Variants in TBC1D1 observed in about 807,000 individuals in gnomAD.
The protein encoded by TBC1D1 is TBC1 domain family member 1, also known as TBC1 (tre-2/USP6, BUB2, cdc16) domain family, member 1.
Under a neutral mutation model 125.6 loss-of-function variants are expected in TBC1D1, and 89 were observed. The ratio of observed to expected loss-of-function variants is 0.71; its 90% CI spans 0.60 to 0.85. The LOEUF is 0.85. Ranked by LOEUF, TBC1D1 falls within the 40% of genes least tolerant of loss-of-function variation. The pLI is 0.00. For synonymous variants in TBC1D1, 565 were observed against 564.1 expected (o/e 1.00, Z -0.02); for missense variants, 1,377 against 1,469.2 (o/e 0.94, Z 1.03).
intron 7 of TBC1D1, among the ~76,000 whole-genome samples, chr4:38,033,766 C>G (rs1179562171): frequency 6.6e-6 from 1 of 152,184 alleles, no homozygotes; most frequent in African/African-American, 2.4e-5. Context: ...TTGCCTTTTC[C>G]AGCATGTCAT....
At chr4:37,893,918 T>A (rs1364706871) in intron 1 of TBC1D1, among the ~76,000 whole-genome samples, 3 of 152,138 alleles carry the variant, frequency 2.0e-5, no homozygotes, top group Admixed American at 2.0e-4. Flanking sequence ...CAACACCACA[T>A]TCCAATAAAA....
At chr4:38,035,797 T>C (rs1385367893) in intron 8 of TBC1D1, 99 bp downstream of exon 8, 3 of 848,758 alleles carry the variant, frequency 3.5e-6, no homozygotes, top group Non-Finnish European at 5.7e-6. Flanking sequence ...TACCTTTTTT[T>C]CTCCCTATGT....
chr4:38,110,597 A>T lies in TBC1D1; in HGVS notation c.2558-5113A>T, dbSNP rs578139519. 1.5e-5 allele frequency: 15 copies of T among 985,380 alleles called. No homozygotes were observed. The South Asian group carries it at 6.1e-4, about 40-fold the overall frequency. The allele number at this position is 985,380 out of a possible 1,614,324, so 61.0% of individuals were successfully genotyped here. A position where few individuals can be genotyped will look rare whatever the true frequency, so the allele number is the denominator to read the frequency against. ...TTCTCCACTTAGATCCACAAGACAC[A>T]TCGAATGTCTTTTTATAAAGGGGTT... On this transcript the variant is annotated intron_variant, in intron 15 of 19. Transcript: ENST00000261439.
chr4:38,035,065 A>AT (rs916433373), intron 7 of TBC1D1, among the ~76,000 whole-genome samples: 13 of 151,136 alleles, frequency 8.6e-5, no homozygotes, highest in South Asian at 2.1e-4. Flanking sequence ...CATAGAGAGA[A>AT]TTTTTTTTTT....
chr4:38,110,443 A>G, intron 15 of TBC1D1: 1 of 985,458 alleles, frequency 1.0e-6, no homozygotes, highest in Non-Finnish European at 1.2e-6. Context: ...TAAAGAAGGA[A>G]AAGATTGATC....
At chr4:37,945,368 C>T (rs1157034227) in intron 2 of TBC1D1, among the ~76,000 whole-genome samples, 1 of 151,716 alleles carries the variant, frequency 6.6e-6, no homozygotes, top group Non-Finnish European at 1.5e-5. Context: ...CAAAAAATAG[C>T]TGAACATGGT....
At chr4:38,032,162 T>C (rs1002949986) in intron 7 of TBC1D1, among the ~76,000 whole-genome samples, 1 of 151,926 alleles carries the variant, frequency 6.6e-6, no homozygotes, top group South Asian at 2.1e-4. Flanking sequence ...CTATGGCAAA[T>C]ACAAAAATTA....
chr4:37,926,748 A>C (rs1722208479), intron 2 of TBC1D1, among the ~76,000 whole-genome samples: 1 of 152,238 alleles, frequency 6.6e-6, no homozygotes, highest in African/African-American at 2.4e-5. Flanking sequence ...TGTGTTACAC[A>C]GGCTAGAACT....
At chr4:37,996,677 C>T (rs564387973) in intron 2 of TBC1D1, among the ~76,000 whole-genome samples, 1 of 152,346 alleles carries the variant, frequency 6.6e-6, no homozygotes, top group Admixed American at 6.5e-5. Context: ...ATGCTCAGAG[C>T]CCTTTCCTGT....
intron 2 of TBC1D1, among the ~76,000 whole-genome samples, chr4:37,951,197 T>C (rs1441519413): frequency 6.6e-6 from 1 of 152,226 alleles, no homozygotes; most frequent in Non-Finnish European, 1.5e-5. Flanking sequence ...AGAATTCCTG[T>C]CTTTGGGCGC....
intron 12 of TBC1D1, among the ~76,000 whole-genome samples, chr4:38,073,271 C>G (rs932318792): frequency 6.6e-6 from 1 of 152,216 alleles, no homozygotes; most frequent in African/African-American, 2.4e-5. Context: ...CACCCTCACC[C>G]ACACTTGTAA....
rs542762845 is a variant in TBC1D1 at position 38,100,042 on chromosome 4, A to G, written c.2399-2957A>G. ...GTGAAAAAAAGCCCCACTATAAATC[A>G]CTTATCATGCTGACTGTTTTCTAGC... On this transcript the variant is annotated intron_variant, in intron 14 of 19. Coordinates refer to ENST00000261439, the MANE Select transcript of TBC1D1 (RefSeq NM_015173.4). Among the ~76,000 whole-genome samples the G allele has an allele frequency of 3.9e-5, 6 of 152,284 alleles. No individual in the cohort carries two copies. The South Asian group carries it at 1.2e-3, about 32-fold the overall frequency.
intron 9 of TBC1D1, 111 bp from the exon 10 acceptor site, chr4:38,045,706 C>A: frequency 1.4e-6 from 1 of 725,026 alleles, no homozygotes; most frequent in South Asian, 1.6e-5. Flanking sequence ...TAGCATTTCT[C>A]AGTAGATAAC....
At chr4:37,969,921 C>A (rs1362435638) in intron 2 of TBC1D1, among the ~76,000 whole-genome samples, 1 of 152,178 alleles carries the variant, frequency 6.6e-6, no homozygotes, top group African/African-American at 2.4e-5. Context: ...CTCTCTCCAG[C>A]CCCCGGTAAC....
intron 2 of TBC1D1, among the ~76,000 whole-genome samples, chr4:37,909,819 C>A (rs978897784): frequency 3.9e-5 from 6 of 152,122 alleles, no homozygotes; most frequent in Admixed American, 6.5e-5. Flanking sequence ...TGTAAATTTT[C>A]ATTTGGGGTC....
chr4:38,106,199 T>C (rs966110843), intron 15 of TBC1D1, among the ~76,000 whole-genome samples: 1 of 152,198 alleles, frequency 6.6e-6, no homozygotes, highest in South Asian at 2.1e-4. Context: ...TGTGAGACAC[T>C]GCACTAGCAC....
In TBC1D1 at chr4:38,014,154, G is replaced by A. The variant is rs1742102281; in HGVS notation, c.418-355G>A. Among the ~76,000 whole-genome samples, 1 of 152,178 alleles carries A rather than the reference G, an allele frequency of 6.6e-6. No homozygotes were observed. Among genetic ancestry groups the A allele is most frequent in the Admixed American group, 6.5e-5 (1 of 15,286 alleles). On this transcript the variant is annotated intron_variant, in intron 2 of 19. Transcript: ENST00000261439. The surrounding 1 kb of genome is among the most constrained non-coding windows in gnomAD (Gnocchi z 5.1). ...AGAGGAGGCCTTTAGCTTTGGAGTG[G>A]GACCAGCCTGGGCTTGAATCCAAGG...
chr4:37,937,346 A>G (rs189718473), intron 2 of TBC1D1, among the ~76,000 whole-genome samples: 3 of 152,330 alleles, frequency 2.0e-5, no homozygotes, highest in Admixed American at 1.3e-4. Context: ...CGGTCGTTCA[A>G]TGCTGGGTAG....
chr4:37,948,627 CA>C (rs34225328), intron 2 of TBC1D1, among the ~76,000 whole-genome samples: 63,151 of 143,966 alleles, frequency 0.44, 14,574 homozygotes, highest in East Asian at 0.63. Flanking sequence ...GACTCTGTCT[CA>C]AAAAAAAAAA....
Sources: allele counts gnomAD v4.1 joint callset (sites outside exome capture counted in the v4.1 genomes callset), GRCh38; gene constraint gnomAD v4.1.1; non-coding constraint Gnocchi (gnomAD v3.1); transcripts MANE v1.5; gene names NCBI Gene and HGNC (gene_info 2026-07-23, HGNC 2026-07-21).